Variants in MPP4 observed in about 807,000 individuals in gnomAD.
MPP4 encodes the protein MAGUK p55 subfamily member 4.
MPP4 carries 91 observed loss-of-function variants against 98.3 expected under a neutral mutation model. The ratio of observed to expected loss-of-function variants is 0.93; its 90% CI spans 0.78 to 1.10. The LOEUF (loss-of-function observed/expected upper bound fraction) is 1.10. Ranked by LOEUF, MPP4 falls within the 50% of genes least tolerant of loss-of-function variation. MPP4 has a pLI of 0.00. For missense variants in MPP4, 744 were observed against 792.9 expected (o/e 0.94, Z 0.74); for synonymous variants, 261 against 271.8 (o/e 0.96, Z 0.39).
intron 16 of MPP4, 68 bp from the exon 17 acceptor site, chr2:201,656,436 T>G: frequency 7.2e-7 from 1 of 1,391,008 alleles, no homozygotes; most frequent in Middle Eastern, 2.4e-4. Context: ...TCACACCTGA[T>G]GAAATATGTA....
In MPP4 at chr2:201,649,978, A is replaced by G; in HGVS notation, c.1475+94T>C. 3.2e-6 allele frequency: 4 copies of G among 1,254,294 alleles called. No individual in the cohort carries two copies. The South Asian group carries it at 6.1e-5, about 19-fold the overall frequency. The allele number at this position is 1,254,294 out of a possible 1,614,324, so 77.7% of individuals were successfully genotyped here. A position where few individuals can be genotyped will look rare whatever the true frequency, so the allele number is the denominator to read the frequency against. ...TAACTCCTCAGAAACAAAAGGAATT[A>G]CCCAGGAGATTTGGAAAATACATAA... On this transcript the variant is annotated intron_variant, in intron 19 of 21. Coordinates refer to ENST00000409474, the MANE Select transcript of MPP4 (RefSeq NM_033066.3).
At chr2:201,652,492 G>A (rs755565455) in intron 18 of MPP4, among the ~76,000 whole-genome samples, 9 of 151,996 alleles carry the variant, frequency 5.9e-5, no homozygotes, top group African/African-American at 1.2e-4. Context: ...AAACACTAGC[G>A]GTTTCCATGA....
intron 1 of MPP4, among the ~76,000 whole-genome samples, chr2:201,696,715 C>A (rs192266244): frequency 6.6e-6 from 1 of 152,268 alleles, no homozygotes; most frequent in Non-Finnish European, 1.5e-5. Flanking sequence ...GCGGTGGTTT[C>A]TTGAGTGAAT....
chr2:201,666,537 ATG>A, intron 12 of MPP4, 165 bp from the exon 13 acceptor site: 1 of 522,052 alleles, frequency 1.9e-6, no homozygotes, highest in Non-Finnish European at 3.3e-6. Context: ...CTTGACCGAC[ATG>A]GTGAAACCAT....
intron 1 of MPP4, among the ~76,000 whole-genome samples, chr2:201,698,341 C>A (rs1373086961): frequency 6.6e-6 from 1 of 152,170 alleles, no homozygotes; most frequent in African/African-American, 2.4e-5. Context: ...AGGACCAGGG[C>A]AAATGCCCAT....
chr2:201,669,088 TTGTGTGTGTG>T (rs770178008), intron 12 of MPP4, among the ~76,000 whole-genome samples: 1 of 141,566 alleles, frequency 7.1e-6, no homozygotes, highest in Admixed American at 7.2e-5. Flanking sequence ...GCATCTTGCT[TTGTGTGTGTG>T]TGTGTGTGTG....
At chr2:201,662,657 T>A (rs569987302) in intron 14 of MPP4, among the ~76,000 whole-genome samples, 1 of 151,930 alleles carries the variant, frequency 6.6e-6, no homozygotes, top group African/African-American at 2.4e-5. Flanking sequence ...ATATTCCTTA[T>A]ATGAAGTACA....
chr2:201,665,568 G>T (rs1688155348), intron 13 of MPP4: 2 of 152,146 alleles, frequency 1.3e-5, no homozygotes, highest in Non-Finnish European at 2.9e-5. Context: ...TTGTAGAAAA[G>T]AAATGAATAT....
intron 15 of MPP4, among the ~76,000 whole-genome samples, chr2:201,659,055 C>A (rs181375823): frequency 1.3e-5 from 2 of 152,074 alleles, no homozygotes; most frequent in East Asian, 3.9e-4. Context: ...ACCACCATGC[C>A]CGGCTAATTT....
intron 17 of MPP4, 147 bp downstream of exon 17, chr2:201,656,051 T>C: frequency 1.2e-6 from 1 of 865,678 alleles, no homozygotes; most frequent in Non-Finnish European, 1.7e-6. Flanking sequence ...TAAACACACA[T>C]GTACAATGGC....
intron 12 of MPP4, among the ~76,000 whole-genome samples, chr2:201,667,396 T>A (rs1387034638): frequency 5.9e-5 from 9 of 152,244 alleles, no homozygotes; most frequent in Admixed American, 5.9e-4. Flanking sequence ...AACTGTCTGC[T>A]ACTGCACATC....
At chr2:201,661,916 G>A (rs1208086137) in intron 14 of MPP4, among the ~76,000 whole-genome samples, 1 of 152,208 alleles carries the variant, frequency 6.6e-6, no homozygotes, top group Non-Finnish European at 1.5e-5. Flanking sequence ...AAAGAAGGAT[G>A]AGAATAAGCT....
chr2:201,693,189 T>C (rs1383219849), intron 2 of MPP4, among the ~76,000 whole-genome samples, 160 bp from the exon 3 acceptor site: 1 of 152,238 alleles, frequency 6.6e-6, no homozygotes, highest in East Asian at 1.9e-4. Context: ...CACCTCTTAC[T>C]TTGTGAACGT....
At chr2:201,650,642 A>G (rs1480755890) in intron 18 of MPP4, 1 of 985,100 alleles carries the variant, frequency 1.0e-6, no homozygotes, top group African/African-American at 1.7e-5. Context: ...TCACATTCAT[A>G]AGACTGATGA....
At chr2:201,673,595 G>A in intron 11 of MPP4, 1 of 188,290 alleles carries the variant, frequency 5.3e-6, no homozygotes, top group Non-Finnish European at 1.1e-5. Context: ...AAGATGTTAA[G>A]TTTAAAAAAA....
At chr2:201,656,431 C>G in intron 16 of MPP4, 63 bp from the exon 17 acceptor site, 2 of 1,419,710 alleles carry the variant, frequency 1.4e-6, no homozygotes, top group Non-Finnish European at 1.9e-6. Context: ...TAGCTTCACA[C>G]CTGATGAAAT....
intron 3 of MPP4, among the ~76,000 whole-genome samples, chr2:201,691,992 G>A (rs769029975): frequency 3.9e-5 from 6 of 152,182 alleles, no homozygotes; most frequent in Non-Finnish European, 7.4e-5. Flanking sequence ...AATGACCATC[G>A]TGGTGGCTGT....
chr2:201,660,179 G>A (rs1367908650), intron 15 of MPP4, among the ~76,000 whole-genome samples, 153 bp downstream of exon 15: 11 of 152,008 alleles, frequency 7.2e-5, no homozygotes, highest in Admixed American at 1.3e-4. Context: ...GTGTTTCCTC[G>A]GGAAAAAATG....
In MPP4 at chr2:201,682,932, CA is replaced by C. The variant is rs758454162; in HGVS notation, c.575-17del. ...TATAGCAACCCTAGGCAGACAGTAACAAAAAACAAAGAAAGATACAAAGAAG... is the reference window on the plus strand; with the variant it reads ...TATAGCAACCCTAGGCAGACAGTAACAAAAACAAAGAAAGATACAAAGAAG... On this transcript the variant is annotated splice_polypyrimidine_tract_variant and intron_variant, in intron 7 of 21. Coordinates refer to ENST00000409474, the MANE Select transcript of MPP4 (RefSeq NM_033066.3). The C allele has an allele frequency of 1.4e-5, 23 of 1,600,970 alleles. No homozygotes were observed. In the South Asian group the frequency reaches 2.4e-4, roughly 17 times the overall value.
Sources: gnomAD v4.1 joint callset for allele counts (sites outside exome capture counted in the v4.1 genomes callset) on GRCh38, gnomAD v4.1.1 for gene constraint, MANE v1.5 for transcripts, NCBI Gene and HGNC (gene_info 2026-07-23, HGNC 2026-07-21) for gene names.